The following ENTREP1 variants were observed in gnomAD, a reference collection of about 807,000 sequenced individuals.
ENTREP1 encodes endosomal transmembrane epsin interactor 1.
At chr9:69,340,856 A>T in the ENTREP1 span, among the ~76,000 whole-genome samples, 5 of 151,710 alleles carry the variant, frequency 3.3e-5, no homozygotes. Flanking sequence ...GTTTTCCATA[A>T]AGAGCTAACA....
chr9:69,378,221 C>T, the ENTREP1 span, among the ~76,000 whole-genome samples: 3 of 152,232 alleles, frequency 2.0e-5, no homozygotes, highest in South Asian at 4.1e-4. Flanking sequence ...TAGGCCAAAT[C>T]GATGTTTCAT....
chr9:69,339,125 T>A, the ENTREP1 span, among the ~76,000 whole-genome samples: 1 of 152,090 alleles, frequency 6.6e-6, no homozygotes, highest in Non-Finnish European at 1.5e-5. Context: ...GCTCAAGGGA[T>A]CCTCCCAGCT....
the ENTREP1 span, among the ~76,000 whole-genome samples, chr9:69,361,653 T>C: frequency 5.3e-5 from 8 of 152,222 alleles, no homozygotes; most frequent in African/African-American, 1.7e-4. Context: ...AATTTAACTT[T>C]GTTAGAAACT....
chr9:69,386,081 G>A, the ENTREP1 span: 3 of 696,514 alleles, frequency 4.3e-6, 1 homozygote, highest in Admixed American at 7.8e-5. Flanking sequence ...ATGAGGTCTT[G>A]GGAAAGTAAA....
At chr9:69,367,744 CATATATAAATATATATATACACAT>C in the ENTREP1 span, among the ~76,000 whole-genome samples, 9 of 98,694 alleles carry the variant, frequency 9.1e-5, no homozygotes, top group Non-Finnish European at 1.6e-4. Flanking sequence ...TATATATACA[CATATATAAATATATATATACACAT>C]ATATATAAAT....
chr9:69,388,756 G>A, the ENTREP1 span, among the ~76,000 whole-genome samples: 1 of 152,220 alleles, frequency 6.6e-6, no homozygotes, highest in Non-Finnish European at 1.5e-5. Flanking sequence ...ACAGTGTGGA[G>A]TGCATTCAAC....
At chr9:69,346,770 T>C in the ENTREP1 span, among the ~76,000 whole-genome samples, 13 of 152,236 alleles carry the variant, frequency 8.5e-5, no homozygotes, top group Non-Finnish European at 1.5e-4. Context: ...TGTTAGACTA[T>C]CTAAGCAGGA....
the ENTREP1 span, among the ~76,000 whole-genome samples, chr9:69,376,372 A>C: frequency 6.6e-6 from 1 of 152,208 alleles, no homozygotes; most frequent in African/African-American, 2.4e-5. Flanking sequence ...GAAGCACCTT[A>C]GCTCTTGTTT....
chr9:69,377,425 T>C, the ENTREP1 span: 4 of 1,614,046 alleles, frequency 2.5e-6, no homozygotes, highest in Non-Finnish European at 3.4e-6. Flanking sequence ...GTCTGCTTGG[T>C]GGCCGCTGCC....
chr9:69,335,626 C>T, the ENTREP1 span, among the ~76,000 whole-genome samples: 2 of 152,122 alleles, frequency 1.3e-5, no homozygotes, highest in African/African-American at 4.8e-5. Flanking sequence ...AAGACTTTAC[C>T]TGTCCCATAA....
the ENTREP1 span, among the ~76,000 whole-genome samples, chr9:69,354,062 C>G: frequency 6.6e-6 from 1 of 151,948 alleles, no homozygotes. Context: ...AATAGTTAAT[C>G]CTTAAATATT....
the ENTREP1 span, chr9:69,325,390 C>A: frequency 8.9e-7 from 1 of 1,118,406 alleles, no homozygotes. Context: ...GGGGCCCGGG[C>A]GCCGCTGCCG....
chr9:69,369,364 G>C, the ENTREP1 span, among the ~76,000 whole-genome samples: 1 of 151,932 alleles, frequency 6.6e-6, no homozygotes, highest in African/African-American at 2.4e-5. Flanking sequence ...GGGATTGCTG[G>C]GTCAAATGGA....
the ENTREP1 span, among the ~76,000 whole-genome samples, chr9:69,357,972 C>T: frequency 7.2e-5 from 11 of 152,156 alleles, no homozygotes; most frequent in Non-Finnish European, 1.0e-4. Context: ...TTAACTGTCA[C>T]GGGTCCTGTG....
the ENTREP1 span, chr9:69,388,479 A>G: frequency 1.3e-6 from 2 of 1,519,320 alleles, no homozygotes; most frequent in East Asian, 2.3e-5. Flanking sequence ...TCAGGCATGA[A>G]TCAGATGACT....
At chr9:69,384,176 G>GGA in the ENTREP1 span, 2 of 578,920 alleles carry the variant, frequency 3.5e-6, no homozygotes, top group Non-Finnish European at 6.1e-6. Context: ...TGGACAACAT[G>GGA]GAGAGAGACC....
At chr9:69,344,905 G>C in the ENTREP1 span, among the ~76,000 whole-genome samples, 48 of 152,270 alleles carry the variant, frequency 3.2e-4, no homozygotes, top group African/African-American at 1.2e-3. Context: ...TGATAGTCTT[G>C]CAAGAAATTC....
At chr9:69,386,711 T>G in the ENTREP1 span, 1 of 152,268 alleles carries the variant, frequency 6.6e-6, no homozygotes, top group African/African-American at 2.4e-5. Flanking sequence ...TCCTCCACCC[T>G]GCTCTCTCTA....
At chr9:69,326,562 A>T in the ENTREP1 span, among the ~76,000 whole-genome samples, 3 of 152,042 alleles carry the variant, frequency 2.0e-5, no homozygotes, top group Admixed American at 2.0e-4. Flanking sequence ...GTATCTATGG[A>T]CACCGGGTGG....
Sources: allele counts gnomAD v4.1 joint callset (sites outside exome capture counted in the v4.1 genomes callset), GRCh38; gene constraint gnomAD v4.1.1; transcripts MANE v1.5; gene names NCBI Gene and HGNC (gene_info 2026-07-23, HGNC 2026-07-21).